MED13L: variants seen among roughly 807,000 people sequenced by gnomAD.
The protein encoded by MED13L is mediator complex subunit 13L.
A neutral mutation model predicts 220.9 loss-of-function variants in MED13L; 7 were observed. The observed-to-expected ratio is 0.03, with a 90% confidence interval of 0.02 to 0.06. The LOEUF is 0.06. Among genes scored for constraint, MED13L ranks in the 10% least tolerant of loss-of-function variants. The pLI is 1.00. For missense variants in MED13L, 1,965 were observed against 2,760.5 expected, an observed-to-expected ratio of 0.71 and a Z score of 6.46; for synonymous variants, 1,011 against 1,015.2, an observed-to-expected ratio of 1.00 and a Z score of 0.08.
chr12:115,964,197 T>C (rs533051614), intron 29 of MED13L, among the ~76,000 whole-genome samples: 4 of 152,346 alleles, frequency 2.6e-5, no homozygotes. Context: ...TAAGGACCTT[T>C]AAACATAACA....
At chr12:116,028,707 G>A (rs1264580233) in intron 4 of MED13L, among the ~76,000 whole-genome samples, 1 of 152,078 alleles carries the variant, frequency 6.6e-6, no homozygotes, top group African/African-American at 2.4e-5. Flanking sequence ...CAAAAACATG[G>A]CAAGGTCAAA....
At chr12:116,078,696 A>G (rs1016830507) in intron 4 of MED13L, among the ~76,000 whole-genome samples, 1 of 152,196 alleles carries the variant, frequency 6.6e-6, no homozygotes, top group African/African-American at 2.4e-5. Flanking sequence ...GATTTGCCAG[A>G]GCCCATATAC....
intron 26 of MED13L, 44 bp from the exon 27 acceptor site, chr12:115,970,814 CAGAA>C: frequency 6.3e-7 from 1 of 1,578,968 alleles, no homozygotes; most frequent in Non-Finnish European, 8.6e-7. Context: ...TGAACAACCC[CAGAA>C]ATGAGGTTTT....
intron 4 of MED13L, among the ~76,000 whole-genome samples, chr12:116,053,653 A>T (rs1240392265): frequency 6.6e-6 from 1 of 152,178 alleles, no homozygotes; most frequent in African/African-American, 2.4e-5. Context: ...GGAGGGAGCT[A>T]AAGTCACTTG....
chr12:116,020,494 T>C (rs1008778076), intron 5 of MED13L, among the ~76,000 whole-genome samples: 1 of 152,176 alleles, frequency 6.6e-6, no homozygotes, highest in Non-Finnish European at 1.5e-5. Context: ...TAAACATCTG[T>C]GGTAATCAAA....
At chr12:116,140,758 T>C (rs976392392) in intron 2 of MED13L, among the ~76,000 whole-genome samples, 2 of 152,214 alleles carry the variant, frequency 1.3e-5, no homozygotes, top group African/African-American at 4.8e-5. Flanking sequence ...GACTTACAAA[T>C]TATCGCATTA....
At position 116,111,815 on chromosome 12, in the gene MED13L, A is replaced by G. The variant is rs117126079; in HGVS notation, c.311-303T>C. Among the ~76,000 whole-genome samples, 203 of 152,294 alleles carry G rather than the reference A, an allele frequency of 1.3e-3. 7 individuals are homozygous for G. The East Asian group carries it at 0.038, about 28-fold the overall frequency. On this transcript the variant is annotated intron_variant, in intron 2 of 30. Coordinates refer to ENST00000281928, the MANE Select transcript of MED13L (RefSeq NM_015335.5). ...AGTTTAAAATCATTTAAAATTCTCA[A>G]ATTAATCTATTTAAGAGTATCGCAA...
intron 8 of MED13L, among the ~76,000 whole-genome samples, 185 bp downstream of exon 8, chr12:116,014,924 C>T (rs1323977480): frequency 6.6e-6 from 1 of 152,120 alleles, no homozygotes; most frequent in Non-Finnish European, 1.5e-5. Flanking sequence ...AAATCAAGTA[C>T]AGTAAATGTC....
chr12:116,111,304 T>C (rs976754051), intron 3 of MED13L, 124 bp downstream of exon 3: 3 of 787,500 alleles, frequency 3.8e-6, no homozygotes, highest in Non-Finnish European at 6.5e-6. Flanking sequence ...TAAAGATTTA[T>C]GTAATTTTCA....
intron 2 of MED13L, among the ~76,000 whole-genome samples, chr12:116,188,414 C>T (rs1018524878): frequency 1.3e-5 from 2 of 152,172 alleles, no homozygotes; most frequent in Admixed American, 6.5e-5. Context: ...ATTTTATATA[C>T]CCAGCAATAT....
At chr12:116,064,451 C>G (rs1869758554) in intron 4 of MED13L, among the ~76,000 whole-genome samples, 2 of 152,114 alleles carry the variant, frequency 1.3e-5, no homozygotes. Flanking sequence ...GGAGGGCCAG[C>G]TGTACTTATT....
chr12:116,157,668 C>G (rs1878549965), intron 2 of MED13L, among the ~76,000 whole-genome samples: 1 of 152,234 alleles, frequency 6.6e-6, no homozygotes, highest in African/African-American at 2.4e-5. Flanking sequence ...GAAGTTGTTT[C>G]TCACAAAGGT....
chr12:116,228,539 A>G (rs1400681681), intron 2 of MED13L, among the ~76,000 whole-genome samples: 1 of 152,166 alleles, frequency 6.6e-6, no homozygotes, highest in African/African-American at 2.4e-5. Flanking sequence ...ACACTCGTTC[A>G]TGACCCACTA....
At chr12:116,039,398 T>C (rs117938069) in intron 4 of MED13L, among the ~76,000 whole-genome samples, 3,534 of 152,314 alleles carry the variant, frequency 0.023, 63 homozygotes, top group Non-Finnish European at 0.037. Flanking sequence ...GCTTATTTGG[T>C]AGAATGCTAT....
At chr12:116,169,531 A>C (rs1434932873) in intron 2 of MED13L, among the ~76,000 whole-genome samples, 3 of 152,180 alleles carry the variant, frequency 2.0e-5, no homozygotes, top group Non-Finnish European at 4.4e-5. Context: ...TTTTATGTTC[A>C]ATATATAACA....
rs149142802 is a variant in MED13L at position 116,253,072 on chromosome 12, G to A, written c.73-15367C>T. Among the ~76,000 whole-genome samples the A allele has an allele frequency of 6.3e-3, 957 of 152,006 alleles. 4 individuals are homozygous for A. The highest frequency in any genetic ancestry group is 9.8e-3 in the Non-Finnish European group (667 of 68,002). On this transcript the variant is annotated intron_variant, in intron 1 of 30. Transcript: ENST00000281928. ...AGGTCAGGAGTTCAAAACCAGCCTG[G>A]CCAACGTGGTGAAACCCCGTCTGTA... is the stretch of plus-strand genomic sequence containing the variant.
intron 8 of MED13L, among the ~76,000 whole-genome samples, chr12:116,014,686 T>C (rs1592948734): frequency 6.6e-6 from 1 of 152,148 alleles, no homozygotes; most frequent in South Asian, 2.1e-4. Context: ...CAAAAATGTA[T>C]TGTTAATTAC....
chr12:116,015,227 C>T lies in MED13L; in HGVS notation c.1057G>A (p.Asp353Asn). The T allele has an allele frequency of 6.2e-7, 1 of 1,613,978 alleles. No homozygotes were observed. Among genetic ancestry groups the T allele is most frequent in the Non-Finnish European group, 8.5e-7 (1 of 1,179,900 alleles). ...QSAASHLVSQDGGMITMHSPK... is the reference protein window; with the variant it reads ...QSAASHLVSQNGGMITMHSPK... ...CTGTGCATCGTTATCATCCCTCCAT[C>T]TTGGGAAACCAGGTGACTGGCAGCA... is the stretch of plus-strand genomic sequence containing the variant. The change falls in exon 8 of 31, where the codon GAT (aspartate) becomes AAT (asparagine). Residue 353 changes from aspartate (D) to asparagine (N), a missense_variant. Asp to Asn is a conservative substitution (Grantham distance 23). Coordinates refer to ENST00000281928, the MANE Select transcript of MED13L (RefSeq NM_015335.5).
chr12:115,968,850 G>C, intron 28 of MED13L, 90 bp downstream of exon 28: 1 of 1,508,974 alleles, frequency 6.6e-7, no homozygotes, highest in Non-Finnish European at 9.2e-7. Flanking sequence ...CAAGAACTGT[G>C]CAAGTAGGAA....
Sources: allele counts gnomAD v4.1 joint callset (sites outside exome capture counted in the v4.1 genomes callset), GRCh38; gene constraint gnomAD v4.1.1; transcripts MANE v1.5; gene names NCBI Gene and HGNC (gene_info 2026-07-23, HGNC 2026-07-21).